Variants in TPR observed in about 807,000 individuals in gnomAD.
The protein encoded by TPR is nucleoprotein TPR.
A neutral mutation model predicts 316.1 loss-of-function variants in TPR; 51 were observed. The observed-to-expected ratio is 0.16, with a 90% CI of 0.13 to 0.20. The LOEUF (loss-of-function observed/expected upper bound fraction) is 0.20, where lower values mean the gene tolerates loss of function less well. Ranked by LOEUF, TPR falls within the 10% of genes least tolerant of loss-of-function variation. TPR has a pLI of 1.00. For synonymous variants in TPR, 981 were observed against 914.7 expected, an observed-to-expected ratio of 1.07 and a Z score of -1.31; for missense variants, 2,272 against 2,754.8, an observed-to-expected ratio of 0.82 and a Z score of 3.92.
rs1173813506 is a variant in TPR at position 186,325,747 on chromosome 1, G to A, written c.6112+17C>T. On this transcript the variant is annotated intron_variant, in intron 42 of 50. Coordinates refer to ENST00000367478, the MANE Select transcript of TPR (RefSeq NM_003292.3). ...ACCAGAGATATTCAATTCAAAAAAG[G>A]CTAATAAAAATCTCACCACTGTTTT... is the stretch of plus-strand genomic sequence containing the variant. The A allele has an allele frequency of 6.3e-7, 1 of 1,599,564 alleles. No homozygotes were observed. The highest frequency in any genetic ancestry group is 1.1e-5 in the South Asian group (1 of 89,744).
In TPR at chr1:186,367,935, G is replaced by A; in HGVS notation, c.378C>T (p.Asp126=). The A allele has an allele frequency of 6.2e-7, 1 of 1,611,500 alleles. No homozygotes were observed. The highest frequency in any genetic ancestry group is 8.5e-7 in the Non-Finnish European group (1 of 1,179,530). Residue 126 remains aspartate, a synonymous_variant, in exon 4 of 51, where the codon GAC becomes GAT. Transcript: ENST00000367478. ...ATAGTCTCTCATTGGTTCTAATTAAGTCTCTTTTCTCAGCTTCTAATTCTT... is the reference window on the plus strand; with the variant it reads ...ATAGTCTCTCATTGGTTCTAATTAAATCTCTTTTCTCAGCTTCTAATTCTT... ...TKEELEAEKR[D]LIRTNERLSQ...
At chr1:186,353,111 G>A (rs958001994) in intron 18 of TPR, among the ~76,000 whole-genome samples, 1 of 152,144 alleles carries the variant, frequency 6.6e-6, no homozygotes, top group Non-Finnish European at 1.5e-5. Context: ...TGTGGCTCAT[G>A]CCTGTAATCC....
At chr1:186,327,394 T>G in intron 40 of TPR, 66 bp downstream of exon 40, 1 of 1,503,186 alleles carries the variant, frequency 6.7e-7, no homozygotes. Context: ...TGCATTAGTA[T>G]CCCAAGGATT....
At chr1:186,337,408 T>G (rs1472744999) in intron 31 of TPR, among the ~76,000 whole-genome samples, 1 of 152,152 alleles carries the variant, frequency 6.6e-6, no homozygotes, top group Non-Finnish European at 1.5e-5. Flanking sequence ...TTAACTGTAT[T>G]TTCATGATAA....
intron 38 of TPR, 34 bp downstream of exon 38, chr1:186,332,161 A>G: frequency 2.5e-6 from 4 of 1,583,396 alleles, no homozygotes; most frequent in Non-Finnish European, 2.6e-6. Flanking sequence ...CTCTACTGGT[A>G]AAAGTTAAAA....
rs570335398 is a variant in TPR at position 186,375,136 on chromosome 1, C to T, written c.-108G>A. 2 of 1,554,824 alleles carry T rather than the reference C, an allele frequency of 1.3e-6. No individual in the cohort carries two copies. Among genetic ancestry groups the T allele is most frequent in the Non-Finnish European group, 1.7e-6 (2 of 1,149,912 alleles). ...GCCTGGGCCGCCGCCTCTATCACCT[C>T]GCTCGGTGGCTCGCGCGCGCCCGCC... On this transcript the variant is annotated 5_prime_UTR_variant, in exon 1 of 51. Transcript: ENST00000367478.
At chr1:186,358,859 C>A (rs1378909318) in intron 12 of TPR, among the ~76,000 whole-genome samples, 1 of 152,070 alleles carries the variant, frequency 6.6e-6, no homozygotes, top group African/African-American at 2.4e-5. Context: ...AGGTAAAACC[C>A]TCACTTTCAA....
intron 21 of TPR, among the ~76,000 whole-genome samples, chr1:186,349,705 G>A (rs1413055473): frequency 6.6e-6 from 1 of 151,126 alleles, no homozygotes; most frequent in Non-Finnish European, 1.5e-5. Flanking sequence ...CATATAGAAA[G>A]ATTATCAAGA....
At chr1:186,362,260 A>G in intron 7 of TPR, 28 bp downstream of exon 7, 6 of 1,567,598 alleles carry the variant, frequency 3.8e-6, no homozygotes, top group Non-Finnish European at 5.2e-6. Flanking sequence ...GTATTTTGTA[A>G]AAAAGACATT....
chr1:186,331,769 G>T (rs937146687), intron 38 of TPR, among the ~76,000 whole-genome samples, 188 bp from the exon 39 acceptor site: 1 of 152,018 alleles, frequency 6.6e-6, no homozygotes. Context: ...TAAGGTTTAT[G>T]AACATTAATA....
intron 4 of TPR, among the ~76,000 whole-genome samples, chr1:186,366,247 C>T (rs1034100342): frequency 6.6e-6 from 1 of 152,196 alleles, no homozygotes; most frequent in Non-Finnish European, 1.5e-5. Context: ...AGACCAACCC[C>T]TTTTCTTCAG....
At position 186,324,939 on chromosome 1, in the gene TPR, C is replaced by T. The variant is rs572809325; in HGVS notation, c.6112+825G>A. ...TTGTTTATAAATGTAAATTTTTGTTCAAAGTATATCAATTTCTCATCTCCC... is the reference window on the plus strand; with the variant it reads ...TTGTTTATAAATGTAAATTTTTGTTTAAAGTATATCAATTTCTCATCTCCC... On this transcript the variant is annotated intron_variant, in intron 42 of 50. Transcript: ENST00000367478. Among the ~76,000 whole-genome samples the T allele has an allele frequency of 2.0e-5, 3 of 152,110 alleles. No individual in the cohort carries two copies. The East Asian group carries it at 5.8e-4, about 29-fold the overall frequency.
intron 26 of TPR, 113 bp downstream of exon 26, chr1:186,343,793 A>C: frequency 4.9e-6 from 5 of 1,030,638 alleles, no homozygotes; most frequent in Non-Finnish European, 6.8e-6. Context: ...GACAAATAAA[A>C]GAATGAACTT....
At chr1:186,326,869 C>T (rs1219090159) in intron 40 of TPR, among the ~76,000 whole-genome samples, 1 of 144,664 alleles carries the variant, frequency 6.9e-6, no homozygotes, top group African/African-American at 2.6e-5. Context: ...GTCAAAAAAA[C>T]AAAATGAAAC....
Position 186,311,908 on chromosome 1 carries a change from A to G in TPR, c.*2063T>C. The G allele has an allele frequency of 1.9e-6, 1 of 540,250 alleles. No homozygotes were observed. The highest frequency in any genetic ancestry group is 3.3e-6 in the Non-Finnish European group (1 of 306,400). 33.5% of individuals were successfully genotyped at this position (540,250 alleles called of 1,614,324 possible). A position where few individuals can be genotyped will look rare whatever the true frequency, so the allele number is the denominator to read the frequency against. ...CTCTGTATCATTCCAGTTTTAGTAT[A>G]TGTGCTGCCAAACTGAGCACTTGTC... On this transcript the variant is annotated 3_prime_UTR_variant, in exon 51 of 51. Transcript: ENST00000367478.
rs772111720 is a variant in TPR at position 186,337,103 on chromosome 1, T to C, written c.4416A>G (p.Ser1472=). 2.5e-6 allele frequency: 4 copies of C among 1,613,810 alleles called. No homozygotes were observed. Among genetic ancestry groups the C allele is most frequent in the Non-Finnish European group, 2.5e-6 (3 of 1,179,836 alleles). Residue 1472 remains serine, a synonymous_variant, in exon 32 of 51, where the codon TCA becomes TCG. Transcript: ENST00000367478. ...SSGDHQEQHV[S]VQEMQELKET... ...CTTTGAGTTCCTGCATTTCCTGGAC[T>C]GAAACATGCTGCTCCTGATGGTCTC...
At position 186,312,157 on chromosome 1, in the gene TPR, T is replaced by C. The variant is rs918794884; in HGVS notation, c.*1814A>G. 2 of 1,608,296 alleles carry C rather than the reference T, an allele frequency of 1.2e-6. No homozygotes were observed. Among genetic ancestry groups the C allele is most frequent in the African/African-American group, 2.7e-5 (2 of 74,762 alleles). ...AAATTAATTTTCATTTTCCATGTGA[T>C]ATTCTAATACATAACAGGTGGCAGC... On this transcript the variant is annotated 3_prime_UTR_variant, in exon 51 of 51. Coordinates refer to ENST00000367478, the MANE Select transcript of TPR (RefSeq NM_003292.3).
At chr1:186,326,417 T>C (rs1215810052) in intron 40 of TPR, among the ~76,000 whole-genome samples, 182 bp from the exon 41 acceptor site, 1 of 152,150 alleles carries the variant, frequency 6.6e-6, no homozygotes, top group African/African-American at 2.4e-5. Flanking sequence ...TTACTGGAAT[T>C]AGTGCAATAA....
At chr1:186,325,354 C>A (rs1423292489) in intron 42 of TPR, among the ~76,000 whole-genome samples, 1 of 152,118 alleles carries the variant, frequency 6.6e-6, no homozygotes. Context: ...ATCCAAAAAT[C>A]TTTTATTCAT....
Sources: allele counts gnomAD v4.1 joint callset (sites outside exome capture counted in the v4.1 genomes callset), GRCh38; gene constraint gnomAD v4.1.1; transcripts MANE v1.5; gene names NCBI Gene and HGNC (gene_info 2026-07-23, HGNC 2026-07-21).